Variants in MYO9A observed in about 807,000 individuals in gnomAD.
MYO9A encodes the protein unconventional myosin-IXa.
A neutral mutation model predicts 293.3 loss-of-function variants in MYO9A; 103 were observed. The ratio of observed to expected loss-of-function variants is 0.35; its 90% CI spans 0.30 to 0.41. MYO9A has a LOEUF of 0.41. MYO9A is among the 10% of genes least tolerant of loss of function. The probability of loss-of-function intolerance (pLI) is 1.00; values close to 1 mark genes in which losing one functional copy is unlikely to be tolerated. For synonymous variants in MYO9A, 1,001 were observed against 1,035.7 expected, an observed-to-expected ratio of 0.97 and a Z score of 0.64; for missense variants, 2,685 against 3,033.0, an observed-to-expected ratio of 0.89 and a Z score of 2.69.
intron 2 of MYO9A, among the ~76,000 whole-genome samples, 164 bp from the exon 3 acceptor site, chr15:72,032,752 AT>A (rs1231630600): frequency 3.3e-5 from 5 of 152,062 alleles, no homozygotes; most frequent in East Asian, 1.9e-4. Context: ...TTCAGGCAAA[AT>A]TTTTTTAAAA....
rs1476202005 is a variant in MYO9A, at chr15:72,093,786, C to T, written c.-72+23894G>A. Among the ~76,000 whole-genome samples the T allele has an allele frequency of 3.3e-5, 3 of 89,696 alleles. 1 individual carries two copies. Among genetic ancestry groups the T allele is most frequent in the African/African-American group, 7.8e-5 (3 of 38,300 alleles). The allele number at this position is 89,696 out of a possible 152,430, so 58.8% of individuals were successfully genotyped here. On this transcript the variant is annotated intron_variant, in intron 1 of 41. Transcript: ENST00000356056. The stretch of plus-strand genomic sequence containing the variant: ...CCTCTAATCCCAGCTACTTGGGAGG[C>T]TAAGGCACAAGAACCACTTGAAGCC...
intron 4 of MYO9A, among the ~76,000 whole-genome samples, chr15:72,026,106 T>C (rs991574460): frequency 7.3e-5 from 11 of 151,386 alleles, no homozygotes; most frequent in Admixed American, 3.9e-4. Context: ...ACCCCGCCCC[T>C]ACTAAAAATA....
At chr15:71,852,362 C>CTTTT (rs1159987320) in intron 35 of MYO9A, 102 bp from the exon 36 acceptor site, 31 of 613,910 alleles carry the variant, frequency 5.0e-5, no homozygotes, top group Non-Finnish European at 5.3e-5. Flanking sequence ...CTTCATGTTT[C>CTTTT]TTTTTTTTTT....
At chr15:71,943,809 C>T (rs1228045472) in intron 15 of MYO9A, among the ~76,000 whole-genome samples, 1 of 152,092 alleles carries the variant, frequency 6.6e-6, no homozygotes, top group Non-Finnish European at 1.5e-5. Flanking sequence ...TAGGCCTTCC[C>T]TTAGCATACC....
chr15:71,830,413 G>T, intron 39 of MYO9A, 102 bp from the exon 40 acceptor site: 1 of 1,106,090 alleles, frequency 9.0e-7, no homozygotes, highest in Non-Finnish European at 1.3e-6. Flanking sequence ...CCAGGTGAAT[G>T]ATAAGAATAA....
intron 2 of MYO9A, among the ~76,000 whole-genome samples, chr15:72,039,480 C>A (rs989641753): frequency 1.1e-4 from 16 of 151,768 alleles, no homozygotes; most frequent in African/African-American, 3.4e-4. Context: ...CCAAAAAAAA[C>A]CAGATAGGAT....
At chr15:72,007,323 T>C (rs1454572347) in intron 8 of MYO9A, among the ~76,000 whole-genome samples, 1 of 150,382 alleles carries the variant, frequency 6.6e-6, no homozygotes, top group East Asian at 1.9e-4. Flanking sequence ...AATCAGGTAA[T>C]AAAGGCCCTT....
chr15:71,869,788 C>CAGTAGTG (rs148309465), intron 32 of MYO9A, among the ~76,000 whole-genome samples: 82 of 152,234 alleles, frequency 5.4e-4, no homozygotes, highest in African/African-American at 1.9e-3. Context: ...TAAGGCTGGA[C>CAGTAGTG]AGTAGTGTAG....
At chr15:71,865,447 C>T (rs910003527) in intron 32 of MYO9A, among the ~76,000 whole-genome samples, 3 of 152,104 alleles carry the variant, frequency 2.0e-5, no homozygotes, top group African/African-American at 7.2e-5. Flanking sequence ...TGTTATATAT[C>T]CATACAACAG....
At chr15:71,876,453 T>C (rs2056692597) in intron 31 of MYO9A, among the ~76,000 whole-genome samples, 1 of 131,064 alleles carries the variant, frequency 7.6e-6, no homozygotes, top group Admixed American at 7.7e-5. Flanking sequence ...TTTTTTTTTT[T>C]GAGACGGAGT....
At chr15:71,965,546 G>C (rs1166418105) in intron 13 of MYO9A, among the ~76,000 whole-genome samples, 1 of 152,124 alleles carries the variant, frequency 6.6e-6, no homozygotes, top group African/African-American at 2.4e-5. Flanking sequence ...AGATGTTCGA[G>C]ACCAGCCTGG....
chr15:71,903,860 T>C, intron 21 of MYO9A, 69 bp downstream of exon 21: 1 of 1,316,848 alleles, frequency 7.6e-7, no homozygotes, highest in Non-Finnish European at 1.1e-6. Flanking sequence ...AAAGAAATAA[T>C]AAGCAAGATA....
chr15:71,874,689 G>A (rs2056627312), intron 32 of MYO9A, among the ~76,000 whole-genome samples: 1 of 152,214 alleles, frequency 6.6e-6, no homozygotes, highest in Admixed American at 6.5e-5. Context: ...GCTGTTGATA[G>A]CAGTGGAGGT....
intron 9 of MYO9A, among the ~76,000 whole-genome samples, chr15:71,995,084 C>T (rs569004355): frequency 2.6e-5 from 4 of 152,238 alleles, no homozygotes; most frequent in South Asian, 2.1e-4. Context: ...AAAGAATCTA[C>T]GTTAAAACTG....
chr15:71,877,266 A>G (rs1024565735), intron 31 of MYO9A, among the ~76,000 whole-genome samples: 1 of 152,210 alleles, frequency 6.6e-6, no homozygotes, highest in East Asian at 1.9e-4. Flanking sequence ...CACAACACCG[A>G]GTACGATTCT....
At chr15:71,890,683 C>G (rs2057150041) in intron 26 of MYO9A, 4 of 152,150 alleles carry the variant, frequency 2.6e-5, no homozygotes, top group Admixed American at 1.3e-4. Flanking sequence ...AACTACTACA[C>G]TTGTTTCCCC....
intron 33 of MYO9A, among the ~76,000 whole-genome samples, chr15:71,861,690 A>AAAAC (rs1555464527): frequency 2.7e-5 from 4 of 148,350 alleles, no homozygotes; most frequent in South Asian, 2.1e-4. Context: ...AAAAAAAAAA[A>AAAAC]AAAAAAAAAA....
chr15:72,073,447 C>A (rs897197568), intron 1 of MYO9A, among the ~76,000 whole-genome samples: 8 of 152,256 alleles, frequency 5.3e-5, no homozygotes, highest in Non-Finnish European at 8.8e-5. Context: ...TCCATAGAGT[C>A]AACATATAAC....
chr15:72,048,883 C>G (rs1193734359), intron 1 of MYO9A, among the ~76,000 whole-genome samples: 1 of 152,150 alleles, frequency 6.6e-6, no homozygotes, highest in Admixed American at 6.5e-5. Flanking sequence ...CTATATTTTT[C>G]ACTTCTAAAG....
Sources: allele counts gnomAD v4.1 joint callset (sites outside exome capture counted in the v4.1 genomes callset), GRCh38; gene constraint gnomAD v4.1.1; transcripts MANE v1.5; gene names NCBI Gene and HGNC (gene_info 2026-07-23, HGNC 2026-07-21).